The following LRMDA variants were observed in gnomAD, a reference collection of about 807,000 sequenced individuals.
The protein encoded by LRMDA is leucine-rich melanocyte differentiation-associated protein.
Under a neutral mutation model 29.8 loss-of-function variants are expected in LRMDA, and 18 were observed. The ratio of observed to expected loss-of-function variants is 0.60; its 90% CI spans 0.42 to 0.90. The LOEUF is 0.90. LRMDA is among the 40% of genes least tolerant of loss of function. The pLI is 0.00. For missense variants in LRMDA, 273 were observed against 273.9 expected, an observed-to-expected ratio of 1.00 and a Z score of 0.02; for synonymous variants, 125 against 109.4, an observed-to-expected ratio of 1.14 and a Z score of -0.89.
intron 6 of LRMDA, among the ~76,000 whole-genome samples, chr10:76,489,583 CTTCT>C (rs1171502847): frequency 6.6e-6 from 1 of 151,706 alleles, no homozygotes; most frequent in African/African-American, 2.4e-5. Flanking sequence ...GCTCTTCTAG[CTTCT>C]TTAAGACGCA....
chr10:76,428,363 T>C (rs1842152356), intron 6 of LRMDA, among the ~76,000 whole-genome samples: 1 of 152,188 alleles, frequency 6.6e-6, no homozygotes, highest in African/African-American at 2.4e-5. Context: ...ACCTTCATCC[T>C]TGATGCTGGC....
At chr10:76,085,187 A>G (rs1478398984) in intron 5 of LRMDA, among the ~76,000 whole-genome samples, 1 of 152,226 alleles carries the variant, frequency 6.6e-6, no homozygotes, top group Non-Finnish European at 1.5e-5. Context: ...GAGACGTGAC[A>G]TAAAGGGACC....
At chr10:75,510,363 A>T (rs974099095) in intron 2 of LRMDA, among the ~76,000 whole-genome samples, 5 of 152,174 alleles carry the variant, frequency 3.3e-5, no homozygotes, top group African/African-American at 1.2e-4. Context: ...GACTCTGGGG[A>T]GGAGAGTCAG....
At chr10:75,748,698 C>T (rs919512499) in intron 2 of LRMDA, among the ~76,000 whole-genome samples, 4 of 151,916 alleles carry the variant, frequency 2.6e-5, no homozygotes, top group Admixed American at 1.3e-4. Flanking sequence ...GCATCCCATT[C>T]GTGAATTGTA....
At chr10:75,838,325 C>T (rs1344459891) in intron 2 of LRMDA, among the ~76,000 whole-genome samples, 2 of 152,022 alleles carry the variant, frequency 1.3e-5, no homozygotes, top group Non-Finnish European at 2.9e-5. Context: ...TATTGTGTAT[C>T]GTCTTATGAA....
intron 2 of LRMDA, among the ~76,000 whole-genome samples, chr10:75,652,266 A>C (rs1345209327): frequency 1.3e-5 from 2 of 152,234 alleles, no homozygotes. Flanking sequence ...AACAGTAAGC[A>C]GATTGGCATG....
At chr10:75,566,149 G>A (rs1430153596) in intron 2 of LRMDA, among the ~76,000 whole-genome samples, 1 of 152,150 alleles carries the variant, frequency 6.6e-6, no homozygotes, top group African/African-American at 2.4e-5. Flanking sequence ...AGGATGGAGG[G>A]CTTCTTTAAA....
intron 2 of LRMDA, among the ~76,000 whole-genome samples, chr10:75,637,795 G>T (rs1019018493): frequency 2.0e-5 from 3 of 152,184 alleles, no homozygotes; most frequent in Admixed American, 2.0e-4. Flanking sequence ...TGCCCAGAGT[G>T]GAATGTGGCA....
At chr10:75,647,305 G>A (rs1274026317) in intron 2 of LRMDA, among the ~76,000 whole-genome samples, 3 of 152,136 alleles carry the variant, frequency 2.0e-5, no homozygotes, top group Non-Finnish European at 4.4e-5. Flanking sequence ...AAAATCTTTG[G>A]CTGTGATGGA....
At chr10:75,848,315 G>A (rs1844675774) in intron 2 of LRMDA, among the ~76,000 whole-genome samples, 1 of 152,190 alleles carries the variant, frequency 6.6e-6, no homozygotes, top group African/African-American at 2.4e-5. Flanking sequence ...GACAAATACT[G>A]TATGATTCCA....
intron 2 of LRMDA, among the ~76,000 whole-genome samples, chr10:75,863,204 C>A (rs1479068992): frequency 6.6e-6 from 1 of 152,068 alleles, no homozygotes; most frequent in African/African-American, 2.4e-5. Context: ...CATCGCTTTA[C>A]AGTTAAAGCT....
chr10:76,157,958 G>A (rs543644483), intron 5 of LRMDA, among the ~76,000 whole-genome samples: 1 of 149,168 alleles, frequency 6.7e-6, no homozygotes, highest in South Asian at 2.2e-4. Flanking sequence ...GTAACACAAT[G>A]GTAAGTATTT....
At chr10:76,448,777 T>G (rs750704917) in intron 6 of LRMDA, among the ~76,000 whole-genome samples, 4 of 151,960 alleles carry the variant, frequency 2.6e-5, no homozygotes, top group Admixed American at 1.3e-4. Context: ...GCAAGCATTC[T>G]TATTTTATGA....
chr10:76,421,135 C>T (rs1326463987), intron 6 of LRMDA, among the ~76,000 whole-genome samples: 2 of 152,086 alleles, frequency 1.3e-5, no homozygotes, highest in East Asian at 1.9e-4. Flanking sequence ...CTAAAACCTC[C>T]CACTATGATT....
In LRMDA at chr10:75,595,530, GTATAT is replaced by G. The variant is rs1214640789; in HGVS notation, c.131+157040_131+157044del. 1.3e-4 allele frequency among the ~76,000 whole-genome samples: 20 copies of G among 149,596 alleles called. No individual in the cohort carries two copies. In the East Asian group the frequency reaches 1.6e-3, roughly 12 times the overall value. On this transcript the variant is annotated intron_variant, in intron 2 of 6. Coordinates refer to ENST00000611255, the MANE Select transcript of LRMDA (RefSeq NM_001305581.2). ...TTTATGTATGTTTATATATTAGTAT[GTATAT>G]TATGAGTATGTATTTTATAATCCAC...
chr10:76,089,749 A>C (rs1407970000), intron 5 of LRMDA, among the ~76,000 whole-genome samples: 1 of 152,160 alleles, frequency 6.6e-6, no homozygotes, highest in African/African-American at 2.4e-5. Flanking sequence ...CCCATCTTTC[A>C]TCACCTAAAT....
rs1055796544 is a variant in LRMDA, at chr10:75,958,261, T to C, written c.132-77747T>C. Among the ~76,000 whole-genome samples, 12 of 152,322 alleles carry C rather than the reference T, an allele frequency of 7.9e-5. No homozygotes were observed. In the East Asian group the frequency reaches 2.3e-3, roughly 29 times the overall value. On this transcript the variant is annotated intron_variant, in intron 2 of 6. Coordinates refer to ENST00000611255, the MANE Select transcript of LRMDA (RefSeq NM_001305581.2). ...CAGGGCGCCTTTGTCACACCTTCCC[T>C]TTGCTGTGAGCAAATGTTAAATTAA...
chr10:75,805,618 G>A (rs61861024), intron 2 of LRMDA, among the ~76,000 whole-genome samples: 58 of 152,246 alleles, frequency 3.8e-4, no homozygotes, highest in Non-Finnish European at 7.1e-4. Flanking sequence ...CTGAGATTGT[G>A]ACAAGAGGGA....
At chr10:76,472,090 G>A (rs1842623862) in intron 6 of LRMDA, among the ~76,000 whole-genome samples, 1 of 151,708 alleles carries the variant, frequency 6.6e-6, no homozygotes. Context: ...CCAGACATCT[G>A]TAGACCTTCC....
Sources: allele counts gnomAD v4.1 joint callset (sites outside exome capture counted in the v4.1 genomes callset), GRCh38; gene constraint gnomAD v4.1.1; transcripts MANE v1.5; gene names NCBI Gene and HGNC (gene_info 2026-07-23, HGNC 2026-07-21).